The following SP100 variants were observed in gnomAD, a reference collection of about 807,000 sequenced individuals.
SP100 encodes the protein nuclear autoantigen Sp-100.
Under a neutral mutation model 130.0 loss-of-function variants are expected in SP100, and 84 were observed. The ratio of observed to expected loss-of-function variants is 0.65; its 90% CI spans 0.54 to 0.77. The LOEUF is 0.77. Among genes scored for constraint, SP100 ranks in the 30% least tolerant of loss-of-function variants. The pLI, the probability that SP100 is intolerant of heterozygous loss-of-function variation, is 0.00. For missense variants in SP100, 978 were observed against 1,052.2 expected (o/e 0.93, Z 0.97); for synonymous variants, 331 against 351.7 (o/e 0.94, Z 0.66).
chr2:230,524,179 C>CAAAAAAAAAAAAAA (rs71420292), intron 24 of SP100, among the ~76,000 whole-genome samples: 13 of 75,366 alleles, frequency 1.7e-4, no homozygotes, highest in Non-Finnish European at 2.7e-4. Context: ...ACTAAAAATA[C>CAAAAAAAAAAAAAA]AAAAAAAAAA....
intron 2 of SP100, among the ~76,000 whole-genome samples, chr2:230,422,459 C>T (rs933230395): frequency 6.6e-6 from 1 of 152,172 alleles, no homozygotes; most frequent in African/African-American, 2.4e-5. Context: ...TTCCAACTCG[C>T]CTTCTAAAGG....
At chr2:230,463,532 T>C (rs1410789562) in intron 10 of SP100, 1 of 152,358 alleles carries the variant, frequency 6.6e-6, no homozygotes, top group African/African-American at 2.4e-5. Flanking sequence ...TTCTAATTGC[T>C]CACTGTATCT....
At chr2:230,469,438 G>A (rs1357102522) in intron 14 of SP100, 1 of 480,720 alleles carries the variant, frequency 2.1e-6, no homozygotes, top group Non-Finnish European at 4.1e-6. Context: ...ATAAGAAACT[G>A]AGATGGAAGC....
In SP100 at chr2:230,466,254, T is replaced by A. The variant is rs1024958149; in HGVS notation, c.1142-47T>A. 5 of 1,051,142 alleles carry A rather than the reference T, an allele frequency of 4.8e-6. 1 individual carries two copies. Among genetic ancestry groups the A allele is most frequent in the Non-Finnish European group, 7.2e-6 (5 of 694,630 alleles). 65.1% of individuals were successfully genotyped at this position (1,051,142 alleles called of 1,614,324 possible). ...GCCATGTCAGTTGTCATAGAATTTA[T>A]AAGTCTCTTGCATACAAATAACGGG... On this transcript the variant is annotated intron_variant, in intron 11 of 28. Transcript: ENST00000340126.
At chr2:230,530,308 T>C (rs1418821297) in intron 24 of SP100, among the ~76,000 whole-genome samples, 1 of 152,140 alleles carries the variant, frequency 6.6e-6, no homozygotes, top group Non-Finnish European at 1.5e-5. Context: ...TTGACAAACC[T>C]GACAAAAACA....
chr2:230,449,816 A>G, intron 7 of SP100, 106 bp downstream of exon 7: 2 of 1,208,368 alleles, frequency 1.7e-6, no homozygotes, highest in Middle Eastern at 2.1e-4. Flanking sequence ...TTTAACAAGC[A>G]GGGGAAAATC....
Position 230,474,382 on chromosome 2 carries a change from G to A in SP100, c.1547-12G>A, listed in dbSNP as rs759622817. 2 of 1,484,402 alleles carry A rather than the reference G, an allele frequency of 1.3e-6. No individual in the cohort carries two copies. The highest frequency in any genetic ancestry group is 2.3e-5 in the East Asian group (1 of 43,624). 92.0% of individuals were successfully genotyped at this position (1,484,402 alleles called of 1,614,324 possible). On this transcript the variant is annotated splice_polypyrimidine_tract_variant and intron_variant, in intron 16 of 28. Transcript: ENST00000340126. ...AATTACAGTTCTCTGACCACTACCT[G>A]TCACTTTCTAGATACCATGGATGTT...
At chr2:230,440,035 G>A (rs904114663) in intron 2 of SP100, among the ~76,000 whole-genome samples, 5 of 152,078 alleles carry the variant, frequency 3.3e-5, no homozygotes, top group African/African-American at 1.2e-4. Context: ...AAAGACGCAG[G>A]AATATGTATA....
At chr2:230,463,137 T>G (rs2064753927) in intron 10 of SP100, among the ~76,000 whole-genome samples, 1 of 152,218 alleles carries the variant, frequency 6.6e-6, no homozygotes, top group Admixed American at 6.5e-5. Context: ...AGAAGAGAGA[T>G]TCTCGTCCTT....
intron 17 of SP100, among the ~76,000 whole-genome samples, chr2:230,477,781 T>C (rs996199238): frequency 2.0e-5 from 3 of 152,042 alleles, no homozygotes; most frequent in African/African-American, 4.8e-5. Flanking sequence ...CAGAAATGCA[T>C]TGAACTGGCT....
At chr2:230,506,280 C>T (rs914132261) in intron 21 of SP100, 23 bp from the exon 22 acceptor site, 1 of 1,612,128 alleles carries the variant, frequency 6.2e-7, no homozygotes, top group Middle Eastern at 1.7e-4. Flanking sequence ...AGTTGGGGAG[C>T]TCACTTTGCC....
chr2:230,517,680 G>A (rs548788658), intron 24 of SP100, among the ~76,000 whole-genome samples: 11 of 151,536 alleles, frequency 7.3e-5, no homozygotes, highest in East Asian at 1.9e-4. Context: ...CAGAAGAATC[G>A]CTTGAGCCCA....
intron 2 of SP100, among the ~76,000 whole-genome samples, chr2:230,440,876 T>C (rs2063445339): frequency 6.6e-6 from 1 of 152,148 alleles, no homozygotes; most frequent in South Asian, 2.1e-4. Flanking sequence ...GCTAATATTG[T>C]AAATTGTTTT....
intron 2 of SP100, among the ~76,000 whole-genome samples, chr2:230,442,547 A>C (rs1328479807): frequency 1.3e-5 from 2 of 152,190 alleles, no homozygotes; most frequent in Non-Finnish European, 2.9e-5. Context: ...CAGTTGATTA[A>C]GATGCATATT....
At chr2:230,494,939 T>C (rs540818825) in intron 18 of SP100, among the ~76,000 whole-genome samples, 3 of 152,334 alleles carry the variant, frequency 2.0e-5, no homozygotes, top group South Asian at 2.1e-4. Context: ...TCTATTCTTA[T>C]GGAAGAAGGA....
At chr2:230,525,498 G>C (rs1360477578) in intron 24 of SP100, among the ~76,000 whole-genome samples, 1 of 152,156 alleles carries the variant, frequency 6.6e-6, no homozygotes, top group African/African-American at 2.4e-5. Context: ...CGAGACTGAA[G>C]AAGAAGACAG....
intron 10 of SP100, chr2:230,463,655 A>G (rs2064783038): frequency 6.5e-6 from 1 of 154,134 alleles, no homozygotes; most frequent in Non-Finnish European, 1.4e-5. Context: ...CTTTGGCTCA[A>G]ATACATGAGG....
intron 24 of SP100, among the ~76,000 whole-genome samples, chr2:230,532,221 A>AAAAT (rs890843363): frequency 1.4e-4 from 21 of 146,508 alleles, no homozygotes; most frequent in African/African-American, 4.4e-4. Context: ...TTCCTAGAAA[A>AAAAT]AAATAAATAA....
chr2:230,504,047 C>T, intron 20 of SP100, 139 bp from the exon 21 acceptor site: 1 of 579,110 alleles, frequency 1.7e-6, no homozygotes. Flanking sequence ...GAAAGAAGGA[C>T]TTTGAAATGT....
Sources: allele counts gnomAD v4.1 joint callset (sites outside exome capture counted in the v4.1 genomes callset), GRCh38; gene constraint gnomAD v4.1.1; transcripts MANE v1.5; gene names NCBI Gene and HGNC (gene_info 2026-07-23, HGNC 2026-07-21).